WDR64: variants seen among roughly 807,000 people sequenced by gnomAD.
The protein encoded by WDR64 is WD repeat domain 64.
Under a neutral mutation model 139.3 loss-of-function variants are expected in WDR64, and 112 were observed. The ratio of observed to expected loss-of-function variants is 0.80; its 90% CI spans 0.69 to 0.94. The LOEUF (loss-of-function observed/expected upper bound fraction) is 0.94. Among genes scored for constraint, WDR64 ranks in the 40% least tolerant of loss-of-function variants. The pLI, the probability that WDR64 is intolerant of heterozygous loss-of-function variation, is 0.00. For missense variants in WDR64, 1,206 were observed against 1,293.1 expected (o/e 0.93, Z 1.03); for synonymous variants, 444 against 437.7 (o/e 1.01, Z -0.18).
chr1:241,675,352 C>T (rs1449469120), intron 4 of WDR64, among the ~76,000 whole-genome samples: 3 of 149,094 alleles, frequency 2.0e-5, no homozygotes, highest in Non-Finnish European at 4.4e-5. Context: ...CTGCATTATG[C>T]ATATGTATCA....
At chr1:241,768,389 C>G (rs1461490622) in intron 16 of WDR64, among the ~76,000 whole-genome samples, 15 of 152,308 alleles carry the variant, frequency 9.8e-5, no homozygotes, top group Non-Finnish European at 1.5e-5. Context: ...GCAGTAGAGT[C>G]CATCTCTTTG....
At chr1:241,795,402 C>T (rs1169064336) in intron 26 of WDR64, 115 bp downstream of exon 26, 20 of 892,232 alleles carry the variant, frequency 2.2e-5, no homozygotes, top group South Asian at 1.7e-4. Flanking sequence ...TCAGTTGGAC[C>T]GTTGCTTCCA....
chr1:241,784,953 G>GGATAAAAAAAAAAAA (rs766802128), intron 23 of WDR64, among the ~76,000 whole-genome samples: 19 of 62,248 alleles, frequency 3.1e-4, no homozygotes, highest in Non-Finnish European at 5.2e-4. Context: ...GACTCTGTCT[G>GGATAAAAAAAAAAAA]AAAAAAAAAA....
At chr1:241,681,173 G>T (rs1666776326) in intron 6 of WDR64, among the ~76,000 whole-genome samples, 1 of 151,980 alleles carries the variant, frequency 6.6e-6, no homozygotes, top group African/African-American at 2.4e-5. Flanking sequence ...TTGGTTACAT[G>T]AGTAAGCTCT....
intron 21 of WDR64, among the ~76,000 whole-genome samples, chr1:241,778,116 TCTATAA>T (rs1306310776): frequency 6.6e-5 from 10 of 152,188 alleles, no homozygotes; most frequent in African/African-American, 2.4e-4. Context: ...GGTGTTGAAG[TCTATAA>T]CTATAATAAT....
intron 10 of WDR64, among the ~76,000 whole-genome samples, chr1:241,735,113 G>C (rs989355387): frequency 6.6e-6 from 1 of 152,108 alleles, no homozygotes; most frequent in Non-Finnish European, 1.5e-5. Context: ...CCCTGATATA[G>C]TTTTATTTTG....
intron 15 of WDR64, among the ~76,000 whole-genome samples, chr1:241,760,926 C>T (rs1021543690): frequency 1.7e-4 from 26 of 151,970 alleles, no homozygotes; most frequent in East Asian, 1.5e-3. Context: ...CCACCACGCC[C>T]GGCTAGTTTC....
At chr1:241,762,787 A>G (rs1470862007) in intron 15 of WDR64, among the ~76,000 whole-genome samples, 1 of 148,108 alleles carries the variant, frequency 6.8e-6, no homozygotes, top group Non-Finnish European at 1.5e-5. Flanking sequence ...AAAAAAAAAA[A>G]TAGAATAATA....
Position 241,656,089 on chromosome 1 carries a change from A to G in WDR64, c.145+3460A>G, listed in dbSNP as rs1367330663. ...AAAATTTCCTTTCTCTATAGTTTTCAAGATTTGATGAAAACTGCATACTGC... is the reference window on the plus strand; with the variant it reads ...AAAATTTCCTTTCTCTATAGTTTTCGAGATTTGATGAAAACTGCATACTGC... On this transcript the variant is annotated intron_variant, in intron 1 of 27. Transcript: ENST00000437684. The surrounding 1 kb of genome is among the most constrained non-coding windows in gnomAD (Gnocchi z 4.3). Among the ~76,000 whole-genome samples the G allele has an allele frequency of 6.6e-6, 1 of 152,232 alleles. No homozygotes were observed. Among genetic ancestry groups the G allele is most frequent in the Admixed American group, 6.5e-5 (1 of 15,286 alleles).
intron 25 of WDR64, among the ~76,000 whole-genome samples, chr1:241,792,754 G>T (rs1659245911): frequency 6.6e-6 from 1 of 152,116 alleles, no homozygotes; most frequent in African/African-American, 2.4e-5. Context: ...AATATCAAGG[G>T]TTGGTGTTTT....
At chr1:241,763,365 T>C (rs1658007975) in intron 15 of WDR64, among the ~76,000 whole-genome samples, 3 of 152,246 alleles carry the variant, frequency 2.0e-5, no homozygotes, top group Admixed American at 1.3e-4. Flanking sequence ...ATCATAATTA[T>C]CATTATAGCA....
chr1:241,693,520 A>C (rs1019907106), intron 8 of WDR64, among the ~76,000 whole-genome samples: 5 of 152,192 alleles, frequency 3.3e-5, no homozygotes, highest in African/African-American at 1.2e-4. Context: ...TACAACACCA[A>C]TTGTGAACCC....
At chr1:241,682,557 G>C (rs921302284) in intron 6 of WDR64, among the ~76,000 whole-genome samples, 1 of 152,230 alleles carries the variant, frequency 6.6e-6, no homozygotes, top group Non-Finnish European at 1.5e-5. Context: ...AAATCAGATA[G>C]TGTGATGCCT....
intron 24 of WDR64, among the ~76,000 whole-genome samples, chr1:241,789,391 G>A (rs1206253790): frequency 2.0e-5 from 3 of 152,098 alleles, no homozygotes; most frequent in African/African-American, 7.2e-5. Context: ...GTATCCAAAG[G>A]AATATAAATC....
At chr1:241,712,555 C>CA (rs1201232162) in intron 9 of WDR64, among the ~76,000 whole-genome samples, 1 of 152,136 alleles carries the variant, frequency 6.6e-6, no homozygotes, top group East Asian at 1.9e-4. Flanking sequence ...GCCCTGGAGT[C>CA]AGACTGTATG....
At chr1:241,788,450 C>T (rs1172161725) in intron 24 of WDR64, among the ~76,000 whole-genome samples, 1 of 152,166 alleles carries the variant, frequency 6.6e-6, no homozygotes, top group Non-Finnish European at 1.5e-5. Context: ...AATATCAGTG[C>T]AGCTCAACCC....
chr1:241,714,171 A>G (rs1668309837), intron 9 of WDR64, among the ~76,000 whole-genome samples: 1 of 152,212 alleles, frequency 6.6e-6, no homozygotes, highest in Non-Finnish European at 1.5e-5. Flanking sequence ...TGGCCTTGTA[A>G]AAGACAGAAG....
chr1:241,716,221 CA>C (rs1157823830), intron 9 of WDR64, among the ~76,000 whole-genome samples: 1 of 149,454 alleles, frequency 6.7e-6, no homozygotes, highest in South Asian at 2.2e-4. Flanking sequence ...CTTTGCTAGG[CA>C]TAGCTGAATG....
rs1669230518 is a variant in WDR64, at chr1:241,734,800, G to A, written c.1195-3563G>A. 2.0e-5 allele frequency among the ~76,000 whole-genome samples: 3 copies of A among 152,040 alleles called. 1 individual carries two copies. Among genetic ancestry groups the A allele is most frequent in the South Asian group, 4.1e-4 (2 of 4,826 alleles). ...GCTGCATAACCACGTTTCTGTCAAC[G>A]ATGGACTGCATATATGATGGTGATC... On this transcript the variant is annotated intron_variant, in intron 10 of 27. Coordinates refer to ENST00000437684, the MANE Select transcript of WDR64 (RefSeq NM_001367482.1).
Sources: allele counts gnomAD v4.1 joint callset (sites outside exome capture counted in the v4.1 genomes callset), GRCh38; gene constraint gnomAD v4.1.1; non-coding constraint Gnocchi (gnomAD v3.1); transcripts MANE v1.5; gene names NCBI Gene and HGNC (gene_info 2026-07-23, HGNC 2026-07-21).